Variants in PRKRIP1 observed in about 807,000 individuals in gnomAD.
PRKRIP1 encodes PRKR-interacting protein 1.
A neutral mutation model predicts 29.3 loss-of-function variants in PRKRIP1; 29 were observed. The observed-to-expected ratio is 0.99, with a 90% CI of 0.74 to 1.35. The LOEUF (loss-of-function observed/expected upper bound fraction) is 1.35. PRKRIP1 is among the 40% of genes most tolerant of loss of function. The pLI is 0.00. For missense variants in PRKRIP1, 247 were observed against 236.8 expected (o/e 1.04, Z -0.28); for synonymous variants, 90 against 85.1 (o/e 1.06, Z -0.32).
intron 3 of PRKRIP1, among the ~76,000 whole-genome samples, chr7:102,402,673 G>A (rs994698679): frequency 2.4e-4 from 37 of 151,990 alleles, no homozygotes; most frequent in Middle Eastern, 6.8e-3. Context: ...TTCTTATTTT[G>A]GATGGCAAAA....
intron 5 of PRKRIP1, among the ~76,000 whole-genome samples, chr7:102,421,789 C>T (rs1796699883): frequency 6.6e-6 from 1 of 151,084 alleles, no homozygotes; most frequent in African/African-American, 2.4e-5. Context: ...GTGTGAGACC[C>T]CGTCTCCAAA....
chr7:102,409,800 G>A (rs782746519), intron 5 of PRKRIP1, among the ~76,000 whole-genome samples: 1 of 151,950 alleles, frequency 6.6e-6, no homozygotes, highest in Non-Finnish European at 1.5e-5. Context: ...CTGCAGCCTG[G>A]GTGACAGAGC....
At chr7:102,412,759 T>C (rs1429683421) in intron 5 of PRKRIP1, among the ~76,000 whole-genome samples, 1 of 152,180 alleles carries the variant, frequency 6.6e-6, no homozygotes, top group African/African-American at 2.4e-5. Context: ...CTATTTTGGC[T>C]CTTCTCCTAA....
chr7:102,399,509 C>A lies in PRKRIP1; in HGVS notation c.206-39C>A, dbSNP rs781802887. ...GATTAAGGGTGACCTGTGTTGGTAA[C>A]TGAATTTCATCTAGAACTGTGGACT... On this transcript the variant is annotated intron_variant, in intron 2 of 5. Coordinates refer to ENST00000397912, the MANE Select transcript of PRKRIP1 (RefSeq NM_024653.4). 16 of 1,555,886 alleles carry A rather than the reference C, an allele frequency of 1.0e-5. No homozygotes were observed. The African/African-American group carries it at 2.0e-4, about 20-fold the overall frequency.
chr7:102,413,230 G>A (rs2133190480), intron 5 of PRKRIP1, among the ~76,000 whole-genome samples: 1 of 152,288 alleles, frequency 6.6e-6, no homozygotes, highest in Non-Finnish European at 1.5e-5. Context: ...ACGACCAGAT[G>A]CACCCCAGTG....
chr7:102,399,522 A>G (rs2133164122), intron 2 of PRKRIP1, 26 bp from the exon 3 acceptor site: 3 of 1,589,602 alleles, frequency 1.9e-6, no homozygotes, highest in South Asian at 1.1e-5. Context: ...AATTTCATCT[A>G]GAACTGTGGA....
At chr7:102,407,608 C>A (rs1365884051) in intron 5 of PRKRIP1, 110 bp downstream of exon 5, 71 of 785,496 alleles carry the variant, frequency 9.0e-5, no homozygotes, top group Admixed American at 9.7e-5. Flanking sequence ...TGGCTGGCCA[C>A]TGAAGAAATA....
chr7:102,401,068 A>C (rs782023865), intron 3 of PRKRIP1, among the ~76,000 whole-genome samples: 1 of 152,212 alleles, frequency 6.6e-6, no homozygotes, highest in Non-Finnish European at 1.5e-5. Context: ...CAAAACAAAC[A>C]AACAAAAAAA....
intron 3 of PRKRIP1, among the ~76,000 whole-genome samples, chr7:102,400,736 A>C (rs918318578): frequency 6.6e-6 from 1 of 152,130 alleles, no homozygotes; most frequent in Non-Finnish European, 1.5e-5. Flanking sequence ...CCCAGTTTCA[A>C]GTGGTTCTCC....
chr7:102,416,644 G>A lies in PRKRIP1; in HGVS notation c.458-8370G>A, dbSNP rs546499400. On this transcript the variant is annotated intron_variant, in intron 5 of 5. Coordinates refer to ENST00000397912, the MANE Select transcript of PRKRIP1 (RefSeq NM_024653.4). ...AGCACCCTTCTCACCACACATCAGG[G>A]CATTGTACTGCCAACGTGGCCATCA... Among the ~76,000 whole-genome samples, 3 of 151,080 alleles carry A rather than the reference G, an allele frequency of 2.0e-5. No homozygotes were observed. The South Asian group carries it at 6.3e-4, about 32-fold the overall frequency.
intron 5 of PRKRIP1, among the ~76,000 whole-genome samples, chr7:102,424,577 G>A (rs540969430): frequency 7.2e-5 from 11 of 152,228 alleles, no homozygotes; most frequent in Non-Finnish European, 1.2e-4. Context: ...GCGTATGTGT[G>A]GGGGGCAGAG....
At position 102,425,290 on chromosome 7, in the gene PRKRIP1, C is replaced by T. The variant is rs963871624; in HGVS notation, c.*179C>T. The T allele has an allele frequency of 9.2e-6, 12 of 1,308,584 alleles. No homozygotes were observed. In the African/African-American group the frequency reaches 1.8e-4, roughly 20 times the overall value. 81.1% of individuals were successfully genotyped at this position (1,308,584 alleles called of 1,614,324 possible). A position where few individuals can be genotyped will look rare whatever the true frequency, so the allele number is the denominator to read the frequency against. Reference sequence around the variant, plus strand: ...TGGCAGGTTTGGGAGCCTGAGGGGCCATCTCCCTGACACTCAGAGGCACTG... The same window carrying T: ...TGGCAGGTTTGGGAGCCTGAGGGGCTATCTCCCTGACACTCAGAGGCACTG... On this transcript the variant is annotated 3_prime_UTR_variant, in exon 6 of 6. Coordinates refer to ENST00000397912, the MANE Select transcript of PRKRIP1 (RefSeq NM_024653.4).
At chr7:102,398,410 G>A (rs1008179887) in intron 2 of PRKRIP1, among the ~76,000 whole-genome samples, 1 of 151,910 alleles carries the variant, frequency 6.6e-6, no homozygotes, top group African/African-American at 2.4e-5. Flanking sequence ...TTAGCCTCCT[G>A]AGTAGCTAGG....
chr7:102,397,202 G>A (rs1554570511), intron 1 of PRKRIP1, among the ~76,000 whole-genome samples: 2 of 152,154 alleles, frequency 1.3e-5, no homozygotes, highest in South Asian at 4.1e-4. Flanking sequence ...TGTCCAAGTA[G>A]CAAAGCAGTC....
intron 3 of PRKRIP1, among the ~76,000 whole-genome samples, chr7:102,402,480 GA>G (rs1260292630): frequency 2.6e-5 from 4 of 151,910 alleles, no homozygotes; most frequent in African/African-American, 9.7e-5. Flanking sequence ...GGGAGGGAGA[GA>G]AAGGAAAAGA....
chr7:102,401,763 C>T (rs181185507), intron 3 of PRKRIP1, among the ~76,000 whole-genome samples: 11 of 152,092 alleles, frequency 7.2e-5, no homozygotes, highest in Admixed American at 2.0e-4. Flanking sequence ...ATTAACCAGG[C>T]GCAGTGGTGC....
intron 5 of PRKRIP1, among the ~76,000 whole-genome samples, chr7:102,413,955 C>T (rs1429658317): frequency 3.9e-5 from 6 of 152,070 alleles, no homozygotes; most frequent in Non-Finnish European, 7.4e-5. Context: ...GGGCCAGGTG[C>T]GGCGGCTCAC....
At chr7:102,400,847 G>A (rs1796048350) in intron 3 of PRKRIP1, among the ~76,000 whole-genome samples, 1 of 152,004 alleles carries the variant, frequency 6.6e-6, no homozygotes, top group South Asian at 2.1e-4. Flanking sequence ...TGTTGGCCAG[G>A]CTGGTCTTGA....
At chr7:102,400,040 G>A (rs927363261) in intron 3 of PRKRIP1, among the ~76,000 whole-genome samples, 2 of 150,418 alleles carry the variant, frequency 1.3e-5, no homozygotes, top group East Asian at 2.0e-4. Context: ...AGAAAAAAGC[G>A]TTTGAGGAAG....
Sources: gnomAD v4.1 joint callset for allele counts (sites outside exome capture counted in the v4.1 genomes callset) on GRCh38, gnomAD v4.1.1 for gene constraint, MANE v1.5 for transcripts, NCBI Gene and HGNC (gene_info 2026-07-23, HGNC 2026-07-21) for gene names.